The following PDCD10 variants were observed in gnomAD, a reference collection of about 807,000 sequenced individuals.
The protein encoded by PDCD10 is programmed cell death 10.
PDCD10 carries 4 observed loss-of-function variants against 29.2 expected under a neutral mutation model. The observed-to-expected ratio is 0.14, with a 90% confidence interval of 0.07 to 0.31. The LOEUF (loss-of-function observed/expected upper bound fraction) is 0.31. Among genes scored for constraint, PDCD10 ranks in the 10% least tolerant of loss-of-function variants. The pLI, the probability that PDCD10 is intolerant of heterozygous loss-of-function variation, is 1.00. For missense variants in PDCD10, 183 were observed against 257.9 expected (o/e 0.71, Z 1.99); for synonymous variants, 70 against 82.2 (o/e 0.85, Z 0.80).
At position 167,720,251 on chromosome 3, in the gene PDCD10, T is replaced by C; in HGVS notation, c.-94A>G. ...CTTCTCTTTTTTGGTGATAAAAGAA[T>C]TGGACACAAAAAACACACTGATCTG... On this transcript the variant is annotated 5_prime_UTR_variant, in exon 3 of 9. Transcript: ENST00000392750. The C allele has an allele frequency of 1.2e-6, 1 of 837,634 alleles. No homozygotes were observed. 51.9% of individuals were successfully genotyped at this position (837,634 alleles called of 1,614,324 possible). A position where few individuals can be genotyped will look rare whatever the true frequency, so the allele number is the denominator to read the frequency against.
At chr3:167,704,304 T>G (rs762922098) in intron 4 of PDCD10, among the ~76,000 whole-genome samples, 20 of 152,292 alleles carry the variant, frequency 1.3e-4, no homozygotes, top group Non-Finnish European at 2.8e-4. Context: ...CACGTCCCAC[T>G]GTAACCTCAA....
At position 167,708,269 on chromosome 3, in the gene PDCD10, A is replaced by T. The variant is rs537052462; in HGVS notation, c.97-3374T>A. On this transcript the variant is annotated intron_variant, in intron 3 of 8. Coordinates refer to ENST00000392750, the MANE Select transcript of PDCD10 (RefSeq NM_007217.4). ...CATCAAGTTTCCTAAAACCATAATT[A>T]AAAAAAAAAAAAAGCCATTTAGCCC... 1.2e-4 allele frequency among the ~76,000 whole-genome samples: 17 copies of T among 139,882 alleles called. No homozygotes were observed. In the South Asian group the frequency reaches 2.3e-3, roughly 19 times the overall value. 91.8% of individuals were successfully genotyped at this position (139,882 alleles called of 152,430 possible). A position where few individuals can be genotyped will look rare whatever the true frequency, so the allele number is the denominator to read the frequency against.
intron 3 of PDCD10, among the ~76,000 whole-genome samples, chr3:167,709,871 T>C (rs1406652734): frequency 1.5e-4 from 23 of 152,138 alleles, no homozygotes; most frequent in Admixed American, 1.5e-3. Flanking sequence ...AACAGGAGTG[T>C]GTCTTTTATC....
chr3:167,689,230 AT>A (rs1410199409), intron 6 of PDCD10, among the ~76,000 whole-genome samples: 3 of 152,080 alleles, frequency 2.0e-5, no homozygotes, highest in Non-Finnish European at 4.4e-5. Flanking sequence ...TATTGGTGTG[AT>A]GGACATAAAC....
chr3:167,701,594 C>T (rs1361617407), intron 4 of PDCD10, among the ~76,000 whole-genome samples: 1 of 152,180 alleles, frequency 6.6e-6, no homozygotes, highest in Admixed American at 6.5e-5. Context: ...ATCAAAGTGG[C>T]CTACTTGTCC....
chr3:167,689,948 T>C (rs1015947450), intron 6 of PDCD10, among the ~76,000 whole-genome samples: 7 of 152,114 alleles, frequency 4.6e-5, no homozygotes, highest in South Asian at 2.1e-4. Flanking sequence ...GGTGTGCACA[T>C]AGAGAAGCTA....
At chr3:167,695,499 C>T (rs1559952125) in intron 6 of PDCD10, 97 bp downstream of exon 6, 3 of 1,042,618 alleles carry the variant, frequency 2.9e-6, no homozygotes, top group Non-Finnish European at 3.0e-6. Flanking sequence ...TTCAAATAAG[C>T]ATTTCAAGTT....
intron 2 of PDCD10, among the ~76,000 whole-genome samples, chr3:167,729,696 T>C (rs1472267240): frequency 6.6e-6 from 1 of 152,210 alleles, no homozygotes; most frequent in Non-Finnish European, 1.5e-5. Flanking sequence ...AGCTATTATA[T>C]TAGGTTCCAG....
chr3:167,703,072 T>C (rs1721605656), intron 4 of PDCD10, among the ~76,000 whole-genome samples: 1 of 152,164 alleles, frequency 6.6e-6, no homozygotes, highest in African/African-American at 2.4e-5. Context: ...GAAGATACTA[T>C]CTACTCCTTC....
At chr3:167,687,760 G>T in intron 6 of PDCD10, 67 bp from the exon 7 acceptor site, 1 of 835,554 alleles carries the variant, frequency 1.2e-6, no homozygotes, top group Non-Finnish European at 2.1e-6. Context: ...AAGAACATCA[G>T]CTACATTTGA....
At chr3:167,718,396 GA>G (rs1176991575) in intron 3 of PDCD10, among the ~76,000 whole-genome samples, 1 of 151,594 alleles carries the variant, frequency 6.6e-6, no homozygotes, top group African/African-American at 2.4e-5. Context: ...GTAAGTATCA[GA>G]AAAAAAATGG....
chr3:167,732,441 G>GT (rs1307521604), intron 2 of PDCD10, among the ~76,000 whole-genome samples: 1 of 152,186 alleles, frequency 6.6e-6, no homozygotes, highest in Non-Finnish European at 1.5e-5. Context: ...GCAGACACTG[G>GT]TGAGCTGCAA....
chr3:167,721,847 C>A (rs1467860070), intron 2 of PDCD10, among the ~76,000 whole-genome samples: 12 of 152,106 alleles, frequency 7.9e-5, no homozygotes. Flanking sequence ...AAGTAGATGG[C>A]TTTGGTCACA....
At chr3:167,726,563 CTCTATT>C (rs1355807486) in intron 2 of PDCD10, among the ~76,000 whole-genome samples, 4 of 152,156 alleles carry the variant, frequency 2.6e-5, no homozygotes, top group Admixed American at 2.6e-4. Flanking sequence ...TTTTGTAAAT[CTCTATT>C]TCTAAACTAG....
chr3:167,730,373 T>G (rs1004706781), intron 2 of PDCD10, among the ~76,000 whole-genome samples: 4 of 152,166 alleles, frequency 2.6e-5, no homozygotes, highest in African/African-American at 9.6e-5. Flanking sequence ...CTTAAAATTC[T>G]TAGTAACACC....
At chr3:167,729,866 G>C (rs1280821008) in intron 2 of PDCD10, among the ~76,000 whole-genome samples, 1 of 152,106 alleles carries the variant, frequency 6.6e-6, no homozygotes, top group East Asian at 1.9e-4. Flanking sequence ...TTCCACTGCT[G>C]TTACCCAATA....
intron 3 of PDCD10, among the ~76,000 whole-genome samples, chr3:167,714,039 A>C (rs1233440276): frequency 1.3e-5 from 2 of 152,092 alleles, no homozygotes; most frequent in Non-Finnish European, 2.9e-5. Flanking sequence ...AATACTTCCA[A>C]ACTCATTTTA....
chr3:167,690,926 C>A (rs1720157635), intron 6 of PDCD10, among the ~76,000 whole-genome samples: 1 of 152,172 alleles, frequency 6.6e-6, no homozygotes, highest in Non-Finnish European at 1.5e-5. Flanking sequence ...CTAATATATT[C>A]AAAATTGCCT....
intron 2 of PDCD10, among the ~76,000 whole-genome samples, chr3:167,731,326 C>T (rs2108512167): frequency 6.6e-6 from 1 of 152,248 alleles, no homozygotes; most frequent in African/African-American, 2.4e-5. Flanking sequence ...CTGTGTTACA[C>T]AGCAATTCTG....
Sources: gnomAD v4.1 joint callset for allele counts (sites outside exome capture counted in the v4.1 genomes callset) on GRCh38, gnomAD v4.1.1 for gene constraint, MANE v1.5 for transcripts, NCBI Gene and HGNC (gene_info 2026-07-23, HGNC 2026-07-21) for gene names.